The following MRTFB variants were observed in gnomAD, a reference collection of about 807,000 sequenced individuals.
The protein encoded by MRTFB is myocardin-related transcription factor B.
In MRTFB, 29 loss-of-function variants were observed where a neutral mutation model predicts 104.2. The observed-to-expected ratio is 0.28, with a 90% CI of 0.21 to 0.38. The LOEUF (loss-of-function observed/expected upper bound fraction) is 0.38. Among genes scored for constraint, MRTFB ranks in the 10% least tolerant of loss-of-function variants. The probability of loss-of-function intolerance (pLI) is 1.00; values close to 1 mark genes in which losing one functional copy is unlikely to be tolerated. For missense variants in MRTFB, 1,270 were observed against 1,341.6 expected, an observed-to-expected ratio of 0.95 and a Z score of 0.83; for synonymous variants, 535 against 519.5, an observed-to-expected ratio of 1.03 and a Z score of -0.41.
chr16:14,111,502 A>T (rs1176409632), intron 2 of MRTFB, among the ~76,000 whole-genome samples: 1 of 152,200 alleles, frequency 6.6e-6, no homozygotes, highest in East Asian at 1.9e-4. Context: ...AACATTGAGA[A>T]TCCAGTTGAA....
the MRTFB span, among the ~76,000 whole-genome samples, chr16:14,058,078 C>A: frequency 1.3e-5 from 2 of 152,172 alleles, no homozygotes; most frequent in Non-Finnish European, 2.9e-5. Flanking sequence ...CCCGTATTTT[C>A]TTAGCTGTAT....
the MRTFB span, among the ~76,000 whole-genome samples, chr16:14,028,736 C>A: frequency 6.6e-6 from 1 of 152,212 alleles, no homozygotes; most frequent in Non-Finnish European, 1.5e-5. Flanking sequence ...CTCATGGAGC[C>A]TCAGTGTTTC....
At chr16:14,005,946 GCCTGTAAT>G in the MRTFB span, among the ~76,000 whole-genome samples, 5 of 152,134 alleles carry the variant, frequency 3.3e-5, no homozygotes, top group Non-Finnish European at 7.3e-5. Flanking sequence ...GGTGGCTCAT[GCCTGTAAT>G]CCCAGCACTT....
chr16:14,181,362 G>A (rs190614848), intron 3 of MRTFB, among the ~76,000 whole-genome samples: 5 of 152,194 alleles, frequency 3.3e-5, no homozygotes, highest in East Asian at 3.9e-4. Context: ...AAAAATTTAC[G>A]TGTACCCTAG....
intron 3 of MRTFB, among the ~76,000 whole-genome samples, chr16:14,161,492 G>C (rs1335274218): frequency 1.3e-5 from 2 of 152,264 alleles, no homozygotes; most frequent in African/African-American, 4.8e-5. Context: ...AGATAGTAAA[G>C]TTTTCAGGGG....
At chr16:14,121,699 A>G (rs1454559061) in intron 2 of MRTFB, among the ~76,000 whole-genome samples, 3 of 152,128 alleles carry the variant, frequency 2.0e-5, no homozygotes, top group Non-Finnish European at 4.4e-5. Context: ...TGCAGACTGT[A>G]AAGGTAGCAC....
chr16:14,197,253 C>T (rs911180505), intron 3 of MRTFB, among the ~76,000 whole-genome samples: 1 of 152,130 alleles, frequency 6.6e-6, no homozygotes, highest in Non-Finnish European at 1.5e-5. Context: ...GGATTACAGG[C>T]GTGAGCCATC....
rs199808028 is a variant in MRTFB at position 14,240,501 on chromosome 16, G to A, written c.1079+17G>A. On this transcript the variant is annotated intron_variant, in intron 10 of 16. Transcript: ENST00000571589. Reference sequence around the variant, plus strand: ...ACCATTCAAGTACGGCGGGGCCCATGCTATCCTCAACGCGGGGTTTTCTGT... The same window carrying A: ...ACCATTCAAGTACGGCGGGGCCCATACTATCCTCAACGCGGGGTTTTCTGT... 1.9e-4 allele frequency: 304 copies of A among 1,614,076 alleles called. No individual in the cohort carries two copies. The highest frequency in any genetic ancestry group is 1.9e-4 in the Non-Finnish European group (221 of 1,180,042).
the MRTFB span, among the ~76,000 whole-genome samples, chr16:14,027,052 A>G: frequency 2.6e-5 from 4 of 152,244 alleles, no homozygotes; most frequent in African/African-American, 9.6e-5. Context: ...GTACTCCTGC[A>G]TATTTATACC....
the MRTFB span, among the ~76,000 whole-genome samples, chr16:14,026,017 G>A: frequency 6.6e-6 from 1 of 152,152 alleles, no homozygotes; most frequent in South Asian, 2.1e-4. Context: ...TGGACTAGAA[G>A]ATTCAACATA....
the MRTFB span, among the ~76,000 whole-genome samples, chr16:14,051,004 GATTT>G: frequency 6.6e-6 from 1 of 152,050 alleles, no homozygotes; most frequent in South Asian, 2.1e-4. Flanking sequence ...TTCTTATGGC[GATTT>G]ATTTGTCTTT....
chr16:14,106,993 T>C (rs1393800190), intron 2 of MRTFB, among the ~76,000 whole-genome samples: 1 of 152,214 alleles, frequency 6.6e-6, no homozygotes, highest in East Asian at 1.9e-4. Context: ...CCAGGAGGTC[T>C]AGGCGTAGGT....
rs567611759 is a variant in MRTFB at position 14,174,642 on chromosome 16, G to A, written c.154+33882G>A. On this transcript the variant is annotated intron_variant, in intron 3 of 16. Transcript: ENST00000571589. ...AGGTTGTGGTGAGCCAAAATCACAC[G>A]ACCACACTCCATCCTGGGCCACAGA... Among the ~76,000 whole-genome samples the A allele has an allele frequency of 5.3e-5, 8 of 152,026 alleles. No individual in the cohort carries two copies. In the East Asian group the frequency reaches 9.6e-4, roughly 18 times the overall value.
rs575883147 is a variant in MRTFB at position 14,071,976 on chromosome 16, C to T, written c.-129+611C>T. Among the ~76,000 whole-genome samples the T allele has an allele frequency of 7.9e-5, 12 of 152,282 alleles. No homozygotes were observed. In the South Asian group the frequency reaches 2.3e-3, roughly 29 times the overall value. ...CGTTCCTAAAAGGGTCCCCGATCCCCAAGTGGTCAAGAACCATTGTTTGGC... is the reference window on the plus strand; with the variant it reads ...CGTTCCTAAAAGGGTCCCCGATCCCTAAGTGGTCAAGAACCATTGTTTGGC... On this transcript the variant is annotated intron_variant, in intron 1 of 16. Transcript: ENST00000571589.
At chr16:14,161,574 GA>G (rs1270079116) in intron 3 of MRTFB, among the ~76,000 whole-genome samples, 1 of 152,034 alleles carries the variant, frequency 6.6e-6, no homozygotes, top group Non-Finnish European at 1.5e-5. Context: ...ACCCATAAAA[GA>G]AAAAACCTGA....
chr16:14,070,278 G>A (rs2033609648), upstream of MRTFB, among the ~76,000 whole-genome samples: 1 of 152,178 alleles, frequency 6.6e-6, no homozygotes, highest in African/African-American at 2.4e-5. Context: ...ATGGAAACAG[G>A]CTACTTTCTC....
chr16:14,263,821 C>T lies in MRTFB; in HGVS notation c.*2377C>T, dbSNP rs1217641197. Reference sequence around the variant, plus strand: ...AAGACAAGGCATCTCTACCCATTAACTCTGCAAGCCACTCCACTTGCACCA... The same window carrying T: ...AAGACAAGGCATCTCTACCCATTAATTCTGCAAGCCACTCCACTTGCACCA... On this transcript the variant is annotated 3_prime_UTR_variant, in exon 17 of 17. Transcript: ENST00000571589. 6.6e-6 allele frequency: 1 copy of T among 152,180 alleles called. No individual in the cohort carries two copies. Among genetic ancestry groups the T allele is most frequent in the Non-Finnish European group, 1.5e-5 (1 of 68,036 alleles). 9.4% of individuals were successfully genotyped at this position (152,180 alleles called of 1,614,324 possible).
chr16:14,194,304 G>A (rs1164554961), intron 3 of MRTFB, among the ~76,000 whole-genome samples: 1 of 152,222 alleles, frequency 6.6e-6, no homozygotes, highest in Non-Finnish European at 1.5e-5. Flanking sequence ...ATGGTGGTGG[G>A]TCTCTTCCAG....
At chr16:14,023,610 C>CACATATACAT in the MRTFB span, among the ~76,000 whole-genome samples, 19 of 106,912 alleles carry the variant, frequency 1.8e-4, no homozygotes, top group African/African-American at 6.3e-4. Flanking sequence ...CACACACACA[C>CACATATACAT]ATACATATAC....
Sources: gnomAD v4.1 joint callset for allele counts (sites outside exome capture counted in the v4.1 genomes callset) on GRCh38, gnomAD v4.1.1 for gene constraint, MANE v1.5 for transcripts, NCBI Gene and HGNC (gene_info 2026-07-23, HGNC 2026-07-21) for gene names.